Variants in STK32A observed in about 807,000 individuals in gnomAD.
STK32A encodes serine/threonine kinase 32A.
STK32A carries 41 observed loss-of-function variants against 53.2 expected under a neutral mutation model. The observed-to-expected ratio is 0.77, with a 90% CI of 0.60 to 1.00. The LOEUF is 1.00. STK32A is among the 50% of genes least tolerant of loss of function. The probability of loss-of-function intolerance (pLI) is 0.00; values close to 1 mark genes in which losing one functional copy is unlikely to be tolerated. For synonymous variants in STK32A, 166 were observed against 162.8 expected, an observed-to-expected ratio of 1.02 and a Z score of -0.15; for missense variants, 458 against 485.8, an observed-to-expected ratio of 0.94 and a Z score of 0.54.
At chr5:147,322,042 C>T (rs1243540780) in intron 4 of STK32A, among the ~76,000 whole-genome samples, 1 of 152,124 alleles carries the variant, frequency 6.6e-6, no homozygotes, top group East Asian at 1.9e-4. Context: ...TTCACCAGTT[C>T]AATATTGTTT....
chr5:147,301,070 T>G (rs1753108598), intron 4 of STK32A, among the ~76,000 whole-genome samples: 1 of 152,088 alleles, frequency 6.6e-6, no homozygotes, highest in South Asian at 2.1e-4. Context: ...CAGAAAGGGG[T>G]AGATGGTTGA....
At chr5:147,369,948 C>T (rs1581147068) in intron 8 of STK32A, among the ~76,000 whole-genome samples, 1 of 152,226 alleles carries the variant, frequency 6.6e-6, no homozygotes, top group East Asian at 1.9e-4. Flanking sequence ...TAAAGGCTGT[C>T]CTCTAGTGTA....
At chr5:147,280,500 G>T (rs890240145) in intron 4 of STK32A, among the ~76,000 whole-genome samples, 4 of 151,906 alleles carry the variant, frequency 2.6e-5, no homozygotes, top group African/African-American at 9.7e-5. Flanking sequence ...AGCTGGGTGA[G>T]GCCTGTGACT....
intron 4 of STK32A, among the ~76,000 whole-genome samples, chr5:147,316,859 GAAAAAAA>G (rs35058586): frequency 6.5e-5 from 4 of 61,336 alleles, no homozygotes; most frequent in Admixed American, 5.0e-4. Context: ...TGTTTCTGGC[GAAAAAAA>G]AAAAAAAAAA....
At chr5:147,370,895 T>G in intron 9 of STK32A, 125 bp downstream of exon 9, 1 of 530,722 alleles carries the variant, frequency 1.9e-6, no homozygotes, top group Non-Finnish European at 3.3e-6. Flanking sequence ...GAGTGTATTT[T>G]CTAGCTGTTA....
chr5:147,311,356 ATG>A lies in STK32A; in HGVS notation c.261-12541_261-12540del, dbSNP rs1753684681. On this transcript the variant is annotated intron_variant, in intron 4 of 12. Transcript: ENST00000397936. ...CTTTATTCTCAGCACCTTGCACAACATGAATATACAAAAAATATTTGTAAAAT... is the reference window on the plus strand; with the variant it reads ...CTTTATTCTCAGCACCTTGCACAACAAATATACAAAAAATATTTGTAAAAT... Among the ~76,000 whole-genome samples, 4 of 152,196 alleles carry A rather than the reference ATG, an allele frequency of 2.6e-5. No homozygotes were observed. In the South Asian group the frequency reaches 8.3e-4, roughly 32 times the overall value.
At chr5:147,242,029 A>G (rs1034765110) in intron 2 of STK32A, among the ~76,000 whole-genome samples, 1 of 152,220 alleles carries the variant, frequency 6.6e-6, no homozygotes, top group African/African-American at 2.4e-5. Flanking sequence ...TTGGGAAATA[A>G]GATACCCCTT....
intron 5 of STK32A, among the ~76,000 whole-genome samples, chr5:147,338,687 G>C (rs1755258508): frequency 6.6e-6 from 1 of 152,186 alleles, no homozygotes; most frequent in African/African-American, 2.4e-5. Flanking sequence ...GCCTCATGTG[G>C]AGATAAGGAA....
intron 2 of STK32A, among the ~76,000 whole-genome samples, chr5:147,250,031 A>G (rs1406983386): frequency 6.6e-6 from 1 of 151,976 alleles, no homozygotes; most frequent in Non-Finnish European, 1.5e-5. Context: ...TTTATTTTCA[A>G]TATAAAATAA....
At chr5:147,274,933 T>C (rs1755188580) in intron 2 of STK32A, among the ~76,000 whole-genome samples, 1 of 152,188 alleles carries the variant, frequency 6.6e-6, no homozygotes, top group Admixed American at 6.5e-5. Flanking sequence ...GTAAATATTG[T>C]GGGTTTATAT....
At position 147,384,476 on chromosome 5, in the gene STK32A, G is replaced by C; in HGVS notation, c.*493G>C. On this transcript the variant is annotated 3_prime_UTR_variant, in exon 13 of 13. Coordinates refer to ENST00000397936, the MANE Select transcript of STK32A (RefSeq NM_001112724.2). ...CCCAGGCTACTTGGATAAAGATAAG[G>C]AATTCTATCAGGGAGGCATGAATGG... 1 of 1,483,054 alleles carries C rather than the reference G, an allele frequency of 6.7e-7. No homozygotes were observed. Among genetic ancestry groups the C allele is most frequent in the Non-Finnish European group, 9.1e-7 (1 of 1,101,924 alleles). 91.9% of individuals were successfully genotyped at this position (1,483,054 alleles called of 1,614,324 possible). A position where few individuals can be genotyped will look rare whatever the true frequency, so the allele number is the denominator to read the frequency against.
In STK32A at chr5:147,387,362, T is replaced by C. The variant is rs186245371; in HGVS notation, c.*3379T>C. On this transcript the variant is annotated 3_prime_UTR_variant, in exon 13 of 13. Transcript: ENST00000397936. ...CAGAGCATTGCTAAATTAATTACAG[T>C]AATCTAATTAATTAGTAGCTAGGCT... 20 of 152,382 alleles carry C rather than the reference T, an allele frequency of 1.3e-4. No homozygotes were observed. The highest frequency in any genetic ancestry group is 1.5e-5 in the Non-Finnish European group (1 of 68,042). The allele number at this position is 152,382 out of a possible 1,614,324, so 9.4% of individuals were successfully genotyped here.
chr5:147,260,436 A>G (rs1047296841), intron 2 of STK32A, among the ~76,000 whole-genome samples: 6 of 151,296 alleles, frequency 4.0e-5, no homozygotes, highest in Non-Finnish European at 7.4e-5. Flanking sequence ...GACCGGTGGG[A>G]GTAGAGCTAC....
chr5:147,344,423 T>A (rs1755584994), intron 6 of STK32A, among the ~76,000 whole-genome samples: 1 of 152,192 alleles, frequency 6.6e-6, no homozygotes, highest in Non-Finnish European at 1.5e-5. Context: ...GGTCTCTGAT[T>A]CTCAGAAATG....
intron 5 of STK32A, among the ~76,000 whole-genome samples, chr5:147,329,916 T>TAA (rs1273426433): frequency 2.0e-5 from 3 of 152,196 alleles, no homozygotes; most frequent in Non-Finnish European, 4.4e-5. Context: ...GTGCAGAAGG[T>TAA]AAAAGTTGCT....
intron 2 of STK32A, among the ~76,000 whole-genome samples, chr5:147,253,742 A>T (rs527328208): frequency 6.6e-6 from 1 of 152,322 alleles, no homozygotes; most frequent in South Asian, 2.1e-4. Context: ...TCAGCTAATG[A>T]TTAGAGTCAG....
downstream of STK32A, among the ~76,000 whole-genome samples, chr5:147,388,155 C>T (rs1757720537): frequency 6.6e-6 from 1 of 152,186 alleles, no homozygotes; most frequent in Admixed American, 6.5e-5. Context: ...GTCCCTAAGT[C>T]CATGGGCAGC....
In STK32A at chr5:147,385,515, TATC is replaced by T. The variant is rs1757615144; in HGVS notation, c.*1535_*1537del. Reference sequence around the variant, plus strand: ...TTCATGGAGACTAAGGGAACAGTGGTATCATGTCTCCCTTCTCCCTTGTGCTTA... The same window carrying T: ...TTCATGGAGACTAAGGGAACAGTGGTATGTCTCCCTTCTCCCTTGTGCTTA... On this transcript the variant is annotated 3_prime_UTR_variant, in exon 13 of 13. Coordinates refer to ENST00000397936, the MANE Select transcript of STK32A (RefSeq NM_001112724.2). 1 of 152,208 alleles carries T rather than the reference TATC, an allele frequency of 6.6e-6. No homozygotes were observed. The highest frequency in any genetic ancestry group is 1.5e-5 in the Non-Finnish European group (1 of 68,034). The allele number at this position is 152,208 out of a possible 1,614,324, so 9.4% of individuals were successfully genotyped here.
At chr5:147,279,643 T>G (rs1210613808) in intron 4 of STK32A, among the ~76,000 whole-genome samples, 2 of 150,926 alleles carry the variant, frequency 1.3e-5, no homozygotes, top group Admixed American at 6.6e-5. Flanking sequence ...TAAGGGGGGG[T>G]TTGAGGCTGC....
Sources: gnomAD v4.1 joint callset for allele counts (sites outside exome capture counted in the v4.1 genomes callset) on GRCh38, gnomAD v4.1.1 for gene constraint, MANE v1.5 for transcripts, NCBI Gene and HGNC (gene_info 2026-07-23, HGNC 2026-07-21) for gene names.